ASIC2: variants seen among roughly 807,000 people sequenced by gnomAD.
ASIC2 encodes the protein acid-sensing ion channel 2.
In ASIC2, 25 loss-of-function variants were observed where a neutral mutation model predicts 57.3. That is an observed-to-expected ratio of 0.44 (90% CI 0.32 to 0.61). ASIC2 has a LOEUF of 0.61. Ranked by LOEUF, ASIC2 falls within the 20% of genes least tolerant of loss-of-function variation. The pLI is 0.06. For synonymous variants in ASIC2, 319 were observed against 307.5 expected (o/e 1.04, Z -0.39); for missense variants, 641 against 738.1 (o/e 0.87, Z 1.52).
chr17:33,368,551 T>G (rs1948224346), intron 1 of ASIC2, among the ~76,000 whole-genome samples: 2 of 152,192 alleles, frequency 1.3e-5, no homozygotes, highest in South Asian at 4.1e-4. Context: ...GGGAAATTTC[T>G]TATGCAGCAT....
chr17:33,465,619 C>A (rs1181522777), intron 1 of ASIC2, among the ~76,000 whole-genome samples: 1 of 152,080 alleles, frequency 6.6e-6, no homozygotes, highest in Non-Finnish European at 1.5e-5. Context: ...GGTGATCCAC[C>A]CACCTTGGCC....
chr17:34,150,402 T>A (rs903784054), intron 1 of ASIC2, among the ~76,000 whole-genome samples: 1 of 151,958 alleles, frequency 6.6e-6, no homozygotes, highest in Non-Finnish European at 1.5e-5. Context: ...GTTCTTACCA[T>A]CCCCCCAAGA....
At chr17:33,579,172 G>A (rs560015270) in intron 1 of ASIC2, among the ~76,000 whole-genome samples, 2 of 151,422 alleles carry the variant, frequency 1.3e-5, no homozygotes, top group African/African-American at 2.4e-5. Flanking sequence ...TGTAATCCCA[G>A]CTACTTGAGA....
At chr17:33,995,821 C>T (rs555712930) in intron 1 of ASIC2, among the ~76,000 whole-genome samples, 4 of 152,256 alleles carry the variant, frequency 2.6e-5, no homozygotes, top group African/African-American at 9.6e-5. Context: ...TACAGGAGTA[C>T]AGATATCTCT....
At chr17:34,009,083 T>G (rs1233379737) in intron 1 of ASIC2, among the ~76,000 whole-genome samples, 2 of 152,186 alleles carry the variant, frequency 1.3e-5, no homozygotes, top group African/African-American at 2.4e-5. Flanking sequence ...CACCTTTTTT[T>G]TTTTCCCAGC....
intron 1 of ASIC2, among the ~76,000 whole-genome samples, chr17:34,154,662 G>C (rs1904646537): frequency 6.6e-6 from 1 of 152,212 alleles, no homozygotes; most frequent in African/African-American, 2.4e-5. Context: ...AATGGATGCA[G>C]CACAGGAAAG....
chr17:33,718,999 G>A (rs1909305460), intron 1 of ASIC2, among the ~76,000 whole-genome samples: 1 of 152,132 alleles, frequency 6.6e-6, no homozygotes, highest in Non-Finnish European at 1.5e-5. Flanking sequence ...GCTTGCTCAG[G>A]GTCACCCAGG....
At chr17:33,059,076 A>C (rs1288137625) in intron 3 of ASIC2, among the ~76,000 whole-genome samples, 1 of 147,438 alleles carries the variant, frequency 6.8e-6, no homozygotes, top group Non-Finnish European at 1.5e-5. Context: ...ACCAAAAACC[A>C]AAAACCAAAC....
intron 1 of ASIC2, among the ~76,000 whole-genome samples, chr17:33,903,156 T>C (rs190493376): frequency 3.5e-4 from 53 of 152,296 alleles, no homozygotes; most frequent in Middle Eastern, 3.4e-3. Context: ...ATAAAAATCA[T>C]CTCCCTTATT....
At chr17:33,400,854 G>A (rs1383610810) in intron 1 of ASIC2, among the ~76,000 whole-genome samples, 1 of 152,022 alleles carries the variant, frequency 6.6e-6, no homozygotes, top group African/African-American at 2.4e-5. Context: ...TTACAAACAG[G>A]CATCTCTGTT....
intron 1 of ASIC2, among the ~76,000 whole-genome samples, chr17:33,235,449 C>T (rs1364923008): frequency 6.6e-6 from 1 of 152,182 alleles, no homozygotes; most frequent in African/African-American, 2.4e-5. Flanking sequence ...CTGAGAGTCC[C>T]TGCTCTAATT....
intron 1 of ASIC2, among the ~76,000 whole-genome samples, chr17:33,685,302 C>A (rs1201662157): frequency 2.0e-5 from 3 of 152,296 alleles, no homozygotes; most frequent in African/African-American, 7.2e-5. Context: ...CCACACCCAG[C>A]GTGAAGATGA....
chr17:34,073,447 A>G (rs1167846799), intron 1 of ASIC2, among the ~76,000 whole-genome samples: 1 of 152,318 alleles, frequency 6.6e-6, no homozygotes, highest in Middle Eastern at 3.4e-3. Flanking sequence ...GACTGTAGGG[A>G]AAGTTAGATA....
At chr17:33,370,809 T>C (rs1436376403) in intron 1 of ASIC2, among the ~76,000 whole-genome samples, 1 of 152,236 alleles carries the variant, frequency 6.6e-6, no homozygotes, top group Non-Finnish European at 1.5e-5. Flanking sequence ...TCTGAGCATG[T>C]ACACGTGTTA....
chr17:33,045,649 C>T (rs1008395641), intron 3 of ASIC2, among the ~76,000 whole-genome samples: 1 of 152,022 alleles, frequency 6.6e-6, no homozygotes, highest in Non-Finnish European at 1.5e-5. Context: ...ATGGCGGGGG[C>T]CACCATCTGA....
intron 1 of ASIC2, among the ~76,000 whole-genome samples, chr17:33,953,960 C>T (rs964274141): frequency 1.3e-5 from 2 of 152,072 alleles, no homozygotes; most frequent in African/African-American, 2.4e-5. Context: ...ATTCTTTGGG[C>T]CACAGAGGGT....
chr17:33,856,275 T>C (rs74945331), intron 1 of ASIC2, among the ~76,000 whole-genome samples: 2,400 of 152,338 alleles, frequency 0.016, 38 homozygotes, highest in Non-Finnish European at 0.027. Context: ...CATGAGGTCA[T>C]TGTGAGACTT....
chr17:33,422,900 A>G (rs756810265), intron 1 of ASIC2, among the ~76,000 whole-genome samples: 4 of 152,114 alleles, frequency 2.6e-5, no homozygotes, highest in Non-Finnish European at 5.9e-5. Context: ...ACTGAGACTA[A>G]AGGCAGGAAG....
chr17:33,522,128 TC>T (rs1028401234), intron 1 of ASIC2, among the ~76,000 whole-genome samples: 3 of 152,022 alleles, frequency 2.0e-5, no homozygotes, highest in Non-Finnish European at 4.4e-5. Flanking sequence ...TCTTTGTCAG[TC>T]CCCCCACTCC....
Sources: gnomAD v4.1 joint callset for allele counts (sites outside exome capture counted in the v4.1 genomes callset) on GRCh38, gnomAD v4.1.1 for gene constraint, MANE v1.5 for transcripts, NCBI Gene and HGNC (gene_info 2026-07-23, HGNC 2026-07-21) for gene names.